DOK6: variants seen among roughly 807,000 people sequenced by gnomAD.
The protein encoded by DOK6 is docking protein 6, also known as downstream of tyrosine kinase 6.
Under a neutral mutation model 44.0 loss-of-function variants are expected in DOK6, and 22 were observed. The observed-to-expected ratio is 0.50, with a 90% CI of 0.36 to 0.71. The LOEUF is 0.71. Ranked by LOEUF, DOK6 falls within the 30% of genes least tolerant of loss-of-function variation. The pLI, the probability that DOK6 is intolerant of heterozygous loss-of-function variation, is 0.00. For synonymous variants in DOK6, 166 were observed against 145.5 expected (o/e 1.14, Z -1.01); for missense variants, 340 against 416.4 (o/e 0.82, Z 1.60).
At chr18:69,591,814 T>G (rs1983628413) in intron 2 of DOK6, among the ~76,000 whole-genome samples, 1 of 152,058 alleles carries the variant, frequency 6.6e-6, no homozygotes, top group African/African-American at 2.4e-5. Context: ...TAACCTTCAA[T>G]AAAACATTTG....
intron 3 of DOK6, among the ~76,000 whole-genome samples, chr18:69,648,414 A>G (rs1227624974): frequency 6.6e-6 from 1 of 152,136 alleles, no homozygotes; most frequent in South Asian, 2.1e-4. Context: ...TGCACATTGT[A>G]TTTTAGCTTT....
intron 1 of DOK6, among the ~76,000 whole-genome samples, chr18:69,430,995 A>G (rs532462414): frequency 5.3e-5 from 8 of 152,246 alleles, no homozygotes; most frequent in Non-Finnish European, 1.2e-4. Context: ...ATGTTTTCCC[A>G]TGTCAATTTT....
At chr18:69,582,036 A>G (rs1274425427) in intron 2 of DOK6, among the ~76,000 whole-genome samples, 1 of 152,204 alleles carries the variant, frequency 6.6e-6, no homozygotes, top group African/African-American at 2.4e-5. Context: ...GTGGAACAAA[A>G]AAGATCCTGT....
intron 1 of DOK6, among the ~76,000 whole-genome samples, chr18:69,438,278 A>T (rs1040866736): frequency 1.3e-5 from 2 of 152,234 alleles, no homozygotes; most frequent in African/African-American, 4.8e-5. Context: ...CTTTGTTGTC[A>T]TGCCAACCAT....
intron 1 of DOK6, among the ~76,000 whole-genome samples, chr18:69,481,739 G>A (rs1049549499): frequency 6.6e-5 from 10 of 152,304 alleles, no homozygotes; most frequent in African/African-American, 2.4e-4. Context: ...TATATACCCA[G>A]TAATGGGATG....
intron 2 of DOK6, among the ~76,000 whole-genome samples, chr18:69,595,297 T>A (rs1402241806): frequency 6.6e-6 from 1 of 152,212 alleles, no homozygotes; most frequent in Non-Finnish European, 1.5e-5. Context: ...AGTGGAAAAT[T>A]TGTTCAACTT....
At chr18:69,810,604 T>A (rs868075527) in intron 7 of DOK6, among the ~76,000 whole-genome samples, 1 of 151,388 alleles carries the variant, frequency 6.6e-6, no homozygotes, top group Non-Finnish European at 1.5e-5. Context: ...TATAAGGAAC[T>A]CAAACAACTA....
At chr18:69,691,213 AAATAAAT>A (rs1001827489) in intron 4 of DOK6, among the ~76,000 whole-genome samples, 1 of 151,052 alleles carries the variant, frequency 6.6e-6, no homozygotes, top group Non-Finnish European at 1.5e-5. Flanking sequence ...ATAAATAAAT[AAATAAAT>A]AAATAAATAA....
At chr18:69,753,692 T>G (rs922250355) in intron 6 of DOK6, among the ~76,000 whole-genome samples, 34 of 152,254 alleles carry the variant, frequency 2.2e-4, no homozygotes, top group African/African-American at 8.0e-4. Context: ...GATTTCTGTA[T>G]GTATGCCAGA....
intron 3 of DOK6, among the ~76,000 whole-genome samples, chr18:69,601,987 G>A (rs549512856): frequency 6.6e-6 from 1 of 152,200 alleles, no homozygotes; most frequent in Non-Finnish European, 1.5e-5. Context: ...ATATTTATGA[G>A]TCCATGCTTT....
intron 7 of DOK6, among the ~76,000 whole-genome samples, chr18:69,805,569 A>G (rs1981029907): frequency 6.6e-6 from 1 of 152,180 alleles, no homozygotes; most frequent in Non-Finnish European, 1.5e-5. Flanking sequence ...CTGTTTCTAC[A>G]GTTTGATGTT....
chr18:69,588,092 T>G (rs58573131), intron 2 of DOK6, among the ~76,000 whole-genome samples: 2,779 of 152,280 alleles, frequency 0.018, 91 homozygotes, highest in African/African-American at 0.062. Context: ...GTGGAAAAAG[T>G]GTACTAGCCT....
chr18:69,813,242 T>G (rs1440292059), intron 7 of DOK6, among the ~76,000 whole-genome samples: 2 of 152,188 alleles, frequency 1.3e-5, no homozygotes, highest in Non-Finnish European at 1.5e-5. Context: ...TATCTGCCAT[T>G]GTTTTACGTA....
chr18:69,694,008 G>A (rs1050288718), intron 4 of DOK6, among the ~76,000 whole-genome samples: 1 of 133,198 alleles, frequency 7.5e-6, no homozygotes, highest in East Asian at 2.4e-4. Context: ...GCAGCGAGCC[G>A]AGATCCCGCC....
intron 5 of DOK6, among the ~76,000 whole-genome samples, chr18:69,722,185 A>G (rs1978289549): frequency 6.6e-6 from 1 of 152,228 alleles, no homozygotes; most frequent in Non-Finnish European, 1.5e-5. Context: ...TTCTTAATAC[A>G]TTCTTCAGGG....
At chr18:69,592,514 G>A (rs1983645686) in intron 2 of DOK6, among the ~76,000 whole-genome samples, 1 of 152,076 alleles carries the variant, frequency 6.6e-6, no homozygotes, top group South Asian at 2.1e-4. Context: ...AATAACATCT[G>A]TTAGCAGTGT....
At chr18:69,507,100 T>C (rs1003326507) in intron 1 of DOK6, among the ~76,000 whole-genome samples, 1 of 152,052 alleles carries the variant, frequency 6.6e-6, no homozygotes, top group East Asian at 1.9e-4. Context: ...CATTCTCGGC[T>C]CACTGCAAAC....
intron 7 of DOK6, among the ~76,000 whole-genome samples, chr18:69,784,372 C>G (rs2145092263): frequency 6.6e-6 from 1 of 151,778 alleles, no homozygotes; most frequent in South Asian, 2.1e-4. Flanking sequence ...AAATTGTTAG[C>G]CTTGCCCTAG....
chr18:69,427,375 G>A lies in DOK6; in HGVS notation c.66+26065G>A, dbSNP rs187238571. Among the ~76,000 whole-genome samples, 27 of 147,612 alleles carry A rather than the reference G, an allele frequency of 1.8e-4. No individual in the cohort carries two copies. In the East Asian group the frequency reaches 5.4e-3, roughly 29 times the overall value. ...TGTGCCAACAATCATATGAAAAAAAGCATAACATCACTGATCATTAGAGAT... is the reference window on the plus strand; with the variant it reads ...TGTGCCAACAATCATATGAAAAAAAACATAACATCACTGATCATTAGAGAT... On this transcript the variant is annotated intron_variant, in intron 1 of 7. Transcript: ENST00000382713.
Sources: allele counts gnomAD v4.1 joint callset (sites outside exome capture counted in the v4.1 genomes callset), GRCh38; gene constraint gnomAD v4.1.1; transcripts MANE v1.5; gene names NCBI Gene and HGNC (gene_info 2026-07-23, HGNC 2026-07-21).